ARHGAP39: variants seen among roughly 807,000 people sequenced by gnomAD.
ARHGAP39 encodes the protein Rho GTPase activating protein 39.
A neutral mutation model predicts 106.9 loss-of-function variants in ARHGAP39; 44 were observed. That is an observed-to-expected ratio of 0.41 (90% confidence interval 0.32 to 0.53). The LOEUF (loss-of-function observed/expected upper bound fraction) is 0.53. Among genes scored for constraint, ARHGAP39 ranks in the 20% least tolerant of loss-of-function variants. ARHGAP39 has a pLI of 0.21. For synonymous variants in ARHGAP39, 768 were observed against 693.2 expected, an observed-to-expected ratio of 1.11 and a Z score of -1.69; for missense variants, 1,496 against 1,577.3, an observed-to-expected ratio of 0.95 and a Z score of 0.87.
In ARHGAP39 at chr8:144,555,661, G is replaced by C; in HGVS notation, c.513-18C>G. 2 of 1,603,712 alleles carry C rather than the reference G, an allele frequency of 1.2e-6. No individual in the cohort carries two copies. The highest frequency in any genetic ancestry group is 1.7e-6 in the Non-Finnish European group (2 of 1,171,370). On this transcript the variant is annotated intron_variant, in intron 3 of 11. Transcript: ENST00000377307. The stretch of plus-strand genomic sequence containing the variant: ...GTGAAGAGCTGAAACACAGTAAAAT[G>C]AAAGAAATATGAATATAAGTGCAAT...
In ARHGAP39 at chr8:144,545,427, C is replaced by A; in HGVS notation, c.2343G>T (p.Arg781=). 2 of 1,587,190 alleles carry A rather than the reference C, an allele frequency of 1.3e-6. No individual in the cohort carries two copies. The highest frequency in any genetic ancestry group is 1.7e-5 in the Admixed American group (1 of 59,098). The change falls in exon 6 of 12, where the codon CGG becomes CGT. Residue 781 remains arginine, a synonymous_variant. Transcript: ENST00000377307. ...ATKGWSVQGL[R]DELYIQLCRQ... ...GGCACAGCTGGATGTAGAGCTCGTC[C>A]CGCAGGCCCTGCACGCTCCAGCCCT...
chr8:144,535,607 GGCT>G lies in ARHGAP39; in HGVS notation c.2615-1408_2615-1406del, dbSNP rs561022881. 1.5e-4 allele frequency among the ~76,000 whole-genome samples: 23 copies of G among 152,366 alleles called. No homozygotes were observed. In the South Asian group the frequency reaches 4.8e-3, roughly 32 times the overall value. On this transcript the variant is annotated intron_variant, in intron 7 of 11. Coordinates refer to ENST00000377307, the MANE Select transcript of ARHGAP39 (RefSeq NM_025251.3). ...CAGCAGCTGGGACATGTAGTCACTA[GGCT>G]GGGGGGCCTGGGGCAGACGGCAGGG...
intron 1 of ARHGAP39, among the ~76,000 whole-genome samples, chr8:144,677,353 T>C (rs774142504): frequency 1.2e-4 from 19 of 152,150 alleles, no homozygotes; most frequent in African/African-American, 3.1e-4. Context: ...ATTTAAAATA[T>C]AGAGAGATGA....
chr8:144,634,928 A>G (rs1821139114), intron 1 of ARHGAP39, among the ~76,000 whole-genome samples: 1 of 152,200 alleles, frequency 6.6e-6, no homozygotes, highest in Admixed American at 6.5e-5. Context: ...TCCTGTCTGG[A>G]ACACTTCCCT....
intron 1 of ARHGAP39, among the ~76,000 whole-genome samples, chr8:144,678,127 A>C (rs1822290490): frequency 6.6e-6 from 1 of 152,114 alleles, no homozygotes; most frequent in Non-Finnish European, 1.5e-5. Flanking sequence ...ACAAACAGCC[A>C]AGTGCCATGG....
At position 144,644,467 on chromosome 8, in the gene ARHGAP39, C is replaced by T. The variant is rs1476484738; in HGVS notation, c.-81-38772G>A. Among the ~76,000 whole-genome samples the T allele has an allele frequency of 6.6e-6, 1 of 152,176 alleles. No individual in the cohort carries two copies. The highest frequency in any genetic ancestry group is 1.9e-4 in the East Asian group (1 of 5,198). ...GGAAATGCTCAACAGGAGGTGATGG[C>T]TGCACGACTCTACAAATTTACTAAA... On this transcript the variant is annotated intron_variant, in intron 1 of 11. Coordinates refer to ENST00000377307, the MANE Select transcript of ARHGAP39 (RefSeq NM_025251.3). This position sits in a 1 kb window ranked among gnomAD's most constrained non-coding sequence, Gnocchi z 4.8.
At chr8:144,536,004 G>A (rs973918618) in intron 7 of ARHGAP39, among the ~76,000 whole-genome samples, 4 of 152,190 alleles carry the variant, frequency 2.6e-5, no homozygotes, top group African/African-American at 9.7e-5. Context: ...AGGAAGGTGG[G>A]GATGACTGCA....
chr8:144,533,820 G>A (rs1421040650), intron 8 of ARHGAP39, among the ~76,000 whole-genome samples: 1 of 152,222 alleles, frequency 6.6e-6, no homozygotes, highest in East Asian at 1.9e-4. Flanking sequence ...AGGATGTGGG[G>A]AAGGGGCCAG....
In ARHGAP39 at chr8:144,581,242, C is replaced by T. The variant is rs1047681223; in HGVS notation, c.116G>A (p.Arg39His). 10 of 1,552,966 alleles carry T rather than the reference C, an allele frequency of 6.4e-6. No individual in the cohort carries two copies. Among genetic ancestry groups the T allele is most frequent in the African/African-American group, 1.4e-5 (1 of 73,454 alleles). The change falls in exon 3 of 12, where the codon CGC (arginine) becomes CAC (histidine). Residue 39 changes from arginine (R) to histidine (H), a missense_variant. Arg to His is a conservative substitution (Grantham distance 29, BLOSUM62 0). Around this residue, in one of 4 missense-constraint regions of ARHGAP39, gnomAD observed 96 missense variants for 107.9 expected, o/e 0.89. Transcript: ENST00000377307. ...EWVEIIEPRTRERMYANLVTG... is the reference protein window; with the variant it reads ...EWVEIIEPRTHERMYANLVTG... ...GACCAGGTTGGCGTACATGCGCTCG[C>T]GGGTGCGCGGTTCGATGATCTCCAC...
intron 6 of ARHGAP39, among the ~76,000 whole-genome samples, chr8:144,538,028 C>T (rs751515447): frequency 2.5e-4 from 38 of 152,162 alleles, no homozygotes; most frequent in African/African-American, 8.9e-4. Context: ...GGGAAGCTGC[C>T]GTGCCTGTGC....
At chr8:144,672,123 C>G (rs1192343026) in intron 1 of ARHGAP39, among the ~76,000 whole-genome samples, 1 of 152,224 alleles carries the variant, frequency 6.6e-6, no homozygotes, top group Non-Finnish European at 1.5e-5. Context: ...CGCCTGAATT[C>G]TGAATAGAAA....
intron 6 of ARHGAP39, among the ~76,000 whole-genome samples, chr8:144,539,202 CCT>C (rs1817089759): frequency 6.6e-6 from 1 of 152,256 alleles, no homozygotes; most frequent in Non-Finnish European, 1.5e-5. Flanking sequence ...TGAGGAAGCC[CCT>C]GTGTGCACGC....
the ARHGAP39 span, among the ~76,000 whole-genome samples, chr8:144,693,342 C>T: frequency 6.6e-5 from 10 of 151,758 alleles, no homozygotes; most frequent in Non-Finnish European, 1.2e-4. Context: ...GGATTACAGG[C>T]GTGAGCCACC....
At chr8:144,669,301 T>G (rs1822038729) in intron 1 of ARHGAP39, among the ~76,000 whole-genome samples, 1 of 386 alleles carries the variant, frequency 2.6e-3, no homozygotes. Context: ...GGTCAGGAGA[T>G]TTTAGACCAT....
At chr8:144,611,778 G>C (rs1249207691) in intron 1 of ARHGAP39, among the ~76,000 whole-genome samples, 1 of 152,142 alleles carries the variant, frequency 6.6e-6, no homozygotes, top group Non-Finnish European at 1.5e-5. Flanking sequence ...CACTTTGGGA[G>C]GCTGAAGCAG....
intron 4 of ARHGAP39, among the ~76,000 whole-genome samples, chr8:144,551,758 ACC>A (rs1372253320): frequency 1.3e-5 from 2 of 151,086 alleles, no homozygotes; most frequent in African/African-American, 2.4e-5. Flanking sequence ...TGTCATTCTC[ACC>A]CCTAGTTGGC....
chr8:144,614,957 A>C (rs771241916), intron 1 of ARHGAP39, among the ~76,000 whole-genome samples: 1 of 152,192 alleles, frequency 6.6e-6, no homozygotes, highest in African/African-American at 2.4e-5. Context: ...ATATGAACAC[A>C]ATGATCAGTA....
intron 2 of ARHGAP39, among the ~76,000 whole-genome samples, chr8:144,583,385 C>T (rs144736124): frequency 3.7e-4 from 56 of 152,366 alleles, no homozygotes; most frequent in African/African-American, 7.0e-4. Flanking sequence ...AAGTGGCGCA[C>T]GCATTGTGGG....
Position 144,547,416 on chromosome 8 carries a change from G to T in ARHGAP39, c.1670C>A (p.Ala557Asp), listed in dbSNP as rs1817481796. Residue 557 changes from alanine to aspartate, a missense_variant, in exon 5 of 12, where the codon GCT becomes GAT. Transcript: ENST00000377307. The surrounding 1 kb of genome is among the most constrained non-coding windows in gnomAD (Gnocchi z 5.2). ...RGAAEPFLAQ[A>D]RLAWEAQQAH... The stretch of plus-strand genomic sequence containing the variant: ...CTGCTGCGCCTCCCAGGCCAGCCGA[G>T]CCTGCGCCAGGAAGGGCTCGGCCGC... 9 of 1,591,538 alleles carry T rather than the reference G, an allele frequency of 5.7e-6. No homozygotes were observed. The highest frequency in any genetic ancestry group is 5.5e-5 in the South Asian group (5 of 90,140).
Sources: allele counts gnomAD v4.1 joint callset (sites outside exome capture counted in the v4.1 genomes callset), GRCh38; gene constraint gnomAD v4.1.1; regional missense constraint gnomAD v4.1.1; non-coding constraint Gnocchi (gnomAD v3.1); transcripts MANE v1.5; gene names NCBI Gene and HGNC (gene_info 2026-07-23, HGNC 2026-07-21).